The following SLX4IP variants were observed in gnomAD, a reference collection of about 807,000 sequenced individuals.
SLX4IP encodes protein SLX4IP.
Under a neutral mutation model 32.9 loss-of-function variants are expected in SLX4IP, and 34 were observed. The observed-to-expected ratio is 1.03, with a 90% confidence interval of 0.79 to 1.38. SLX4IP has a LOEUF of 1.38. Among genes scored for constraint, SLX4IP ranks in the 40% most tolerant of loss-of-function variants. SLX4IP has a pLI of 0.00. For synonymous variants in SLX4IP, 172 were observed against 171.7 expected (o/e 1.00, Z -0.01); for missense variants, 444 against 479.0 (o/e 0.93, Z 0.68).
At chr20:10,444,210 G>GGT (rs2065182234) in intron 1 of SLX4IP, among the ~76,000 whole-genome samples, 3 of 152,090 alleles carry the variant, frequency 2.0e-5, no homozygotes, top group Admixed American at 6.5e-5. Flanking sequence ...TAGTTGTAGG[G>GGT]GTCTGGAGCT....
At position 10,627,855 on chromosome 20, in the gene SLX4IP, GTTGAAAA is replaced by G. The variant is rs2067191018; in HGVS notation, c.*4477_*4483del. The G allele has an allele frequency of 6.6e-6, 1 of 152,182 alleles. No homozygotes were observed. The highest frequency in any genetic ancestry group is 2.4e-5 in the African/African-American group (1 of 41,442). The allele number at this position is 152,182 out of a possible 1,614,324, so 9.4% of individuals were successfully genotyped here. On this transcript the variant is annotated 3_prime_UTR_variant, in exon 8 of 8. Coordinates refer to ENST00000334534, the MANE Select transcript of SLX4IP (RefSeq NM_001009608.3). ...CCCCCGAATAACTTTCTTCAATCAA[GTTGAAAA>G]ACCAAACAGCTATGTAAGTCCCCAG...
chr20:10,591,812 T>C (rs2066712752), intron 4 of SLX4IP, among the ~76,000 whole-genome samples: 1 of 152,140 alleles, frequency 6.6e-6, no homozygotes, highest in Non-Finnish European at 1.5e-5. Flanking sequence ...GAAAGCAACA[T>C]GGGGAAGAAA....
chr20:10,601,587 G>A (rs566588376), intron 5 of SLX4IP, 144 bp from the exon 6 acceptor site: 34 of 645,958 alleles, frequency 5.3e-5, no homozygotes, highest in South Asian at 9.1e-5. Context: ...GGCAAACACC[G>A]AAAGGATGGG....
chr20:10,478,726 A>C (rs770442253), intron 2 of SLX4IP, among the ~76,000 whole-genome samples: 3 of 152,164 alleles, frequency 2.0e-5, no homozygotes, highest in African/African-American at 4.8e-5. Context: ...TCAGTAAAAA[A>C]TCCTTTAGGA....
intron 2 of SLX4IP, 122 bp downstream of exon 2, chr20:10,458,353 A>AT (rs996427516): frequency 2.4e-3 from 1,981 of 822,632 alleles, no homozygotes; most frequent in East Asian, 6.0e-3. Context: ...ACTCTGCAAA[A>AT]TTTTTTTTTT....
chr20:10,621,536 C>T, intron 7 of SLX4IP, 122 bp downstream of exon 7: 2 of 777,886 alleles, frequency 2.6e-6, no homozygotes, highest in Non-Finnish European at 4.4e-6. Flanking sequence ...CCGTCACGTA[C>T]TTACTCTCCC....
chr20:10,451,823 T>C (rs2122332164), intron 1 of SLX4IP, among the ~76,000 whole-genome samples: 1 of 151,710 alleles, frequency 6.6e-6, no homozygotes, highest in Non-Finnish European at 1.5e-5. Flanking sequence ...AAAAAATTAG[T>C]TGGGCATAGT....
At chr20:10,522,395 A>G (rs903670187) in intron 2 of SLX4IP, among the ~76,000 whole-genome samples, 3 of 152,142 alleles carry the variant, frequency 2.0e-5, no homozygotes, top group Admixed American at 1.3e-4. Flanking sequence ...TTAAAGTACA[A>G]TGATACGCGG....
At chr20:10,569,807 C>T (rs1232164074) in intron 4 of SLX4IP, among the ~76,000 whole-genome samples, 1 of 152,192 alleles carries the variant, frequency 6.6e-6, no homozygotes, top group Non-Finnish European at 1.5e-5. Context: ...TAATTTTCCG[C>T]TATAAATGTC....
At chr20:10,461,609 T>C (rs1223324106) in intron 2 of SLX4IP, among the ~76,000 whole-genome samples, 1 of 152,228 alleles carries the variant, frequency 6.6e-6, no homozygotes, top group Admixed American at 6.5e-5. Context: ...GCCAGGTTTC[T>C]GTGCTCTGCT....
chr20:10,505,412 G>A (rs900275369), intron 2 of SLX4IP, among the ~76,000 whole-genome samples: 1 of 152,188 alleles, frequency 6.6e-6, no homozygotes, highest in Admixed American at 6.5e-5. Context: ...GTAGACCAAA[G>A]CCAGTGCTAC....
chr20:10,586,157 C>T (rs2066643064), intron 4 of SLX4IP, among the ~76,000 whole-genome samples: 1 of 152,146 alleles, frequency 6.6e-6, no homozygotes, highest in African/African-American at 2.4e-5. Flanking sequence ...AGTCCTATGG[C>T]TACTGATGAT....
chr20:10,502,202 T>A (rs1285497268), intron 2 of SLX4IP, among the ~76,000 whole-genome samples: 1 of 152,182 alleles, frequency 6.6e-6, no homozygotes, highest in Non-Finnish European at 1.5e-5. Flanking sequence ...ATTTAATTAT[T>A]GCTCTGTGGC....
chr20:10,446,852 A>T (rs985794598), intron 1 of SLX4IP, among the ~76,000 whole-genome samples: 1 of 152,162 alleles, frequency 6.6e-6, no homozygotes, highest in Admixed American at 6.6e-5. Flanking sequence ...TGTATTCTAG[A>T]TAGAAATCCT....
chr20:10,623,312 C>G lies in SLX4IP; in HGVS notation c.1160C>G (p.Thr387Ser). The G allele has an allele frequency of 6.2e-7, 1 of 1,614,112 alleles. No individual in the cohort carries two copies. Among genetic ancestry groups the G allele is most frequent in the Non-Finnish European group, 8.5e-7 (1 of 1,180,030 alleles). ...QAQQTGLATN[T>S]ERLSTIQNSP... Reference sequence around the variant, plus strand: ...CAGCAAACCGGCTTAGCCACAAACACTGAAAGATTATCTACAATTCAGAAC... The same window carrying G: ...CAGCAAACCGGCTTAGCCACAAACAGTGAAAGATTATCTACAATTCAGAAC... Residue 387 changes from threonine (T) to serine (S), a missense_variant, in exon 8 of 8, where the codon ACT becomes AGT. Thr to Ser is a moderately conservative substitution (Grantham distance 58, BLOSUM62 1). Coordinates refer to ENST00000334534, the MANE Select transcript of SLX4IP (RefSeq NM_001009608.3).
chr20:10,480,485 A>G (rs2065512456), intron 2 of SLX4IP, among the ~76,000 whole-genome samples: 1 of 152,222 alleles, frequency 6.6e-6, no homozygotes, highest in South Asian at 2.1e-4. Context: ...TGTAGATTAT[A>G]TCATATGTAC....
At chr20:10,546,594 C>T (rs1446971635) in intron 2 of SLX4IP, among the ~76,000 whole-genome samples, 1 of 151,956 alleles carries the variant, frequency 6.6e-6, no homozygotes, top group Non-Finnish European at 1.5e-5. Flanking sequence ...GTATGGCTGG[C>T]ATGGTGCAGA....
intron 1 of SLX4IP, among the ~76,000 whole-genome samples, chr20:10,455,505 C>G (rs935469595): frequency 1.3e-5 from 2 of 152,034 alleles, no homozygotes; most frequent in East Asian, 1.9e-4. Flanking sequence ...ATCTTAGTAC[C>G]CTTGTTGAAA....
chr20:10,622,911 C>G lies in SLX4IP; in HGVS notation c.759C>G (p.Gly253=), dbSNP rs1226999599. The change falls in exon 8 of 8, where the codon GGC becomes GGG. Residue 253 remains glycine, a synonymous_variant. Coordinates refer to ENST00000334534, the MANE Select transcript of SLX4IP (RefSeq NM_001009608.3). ...VNQTQPEDTS[G]QQKPHPGERL... ...AGACCCAGCCAGAAGACACTAGTGG[C>G]CAGCAAAAACCTCATCCTGGGGAGC... 1 of 1,614,012 alleles carries G rather than the reference C, an allele frequency of 6.2e-7. No homozygotes were observed. The highest frequency in any genetic ancestry group is 8.5e-7 in the Non-Finnish European group (1 of 1,180,016).
Sources: allele counts gnomAD v4.1 joint callset (sites outside exome capture counted in the v4.1 genomes callset), GRCh38; gene constraint gnomAD v4.1.1; transcripts MANE v1.5; gene names NCBI Gene and HGNC (gene_info 2026-07-23, HGNC 2026-07-21).